The following CHODL variants were observed in gnomAD, a reference collection of about 807,000 sequenced individuals.
The protein encoded by CHODL is chondrolectin.
Under a neutral mutation model 34.5 loss-of-function variants are expected in CHODL, and 29 were observed. That is an observed-to-expected ratio of 0.84 (90% CI 0.63 to 1.15). The LOEUF is 1.15. Ranked by LOEUF, CHODL falls within the 50% of genes most tolerant of loss-of-function variation. The pLI, the probability that CHODL is intolerant of heterozygous loss-of-function variation, is 0.00. For missense variants in CHODL, 332 were observed against 332.5 expected (o/e 1.00, Z 0.01); for synonymous variants, 125 against 116.1 (o/e 1.08, Z -0.49).
intron 2 of CHODL, among the ~76,000 whole-genome samples, chr21:18,229,104 A>C (rs2073956289): frequency 6.6e-6 from 1 of 152,212 alleles, no homozygotes; most frequent in Non-Finnish European, 1.5e-5. Flanking sequence ...CAATAGCAAA[A>C]GTATGCCTTT....
intron 2 of CHODL, among the ~76,000 whole-genome samples, chr21:18,097,344 T>C (rs968003267): frequency 6.6e-6 from 1 of 152,092 alleles, no homozygotes; most frequent in African/African-American, 2.4e-5. Context: ...ACAAGAAAAC[T>C]ATTAAAACTG....
chr21:18,132,380 T>C (rs1377030967), intron 2 of CHODL, among the ~76,000 whole-genome samples: 1 of 152,178 alleles, frequency 6.6e-6, no homozygotes, highest in Non-Finnish European at 1.5e-5. Context: ...CATCTAGATA[T>C]GGGAAAACAT....
intron 2 of CHODL, among the ~76,000 whole-genome samples, chr21:18,165,755 A>ACCCTG (rs2062913496): frequency 1.3e-5 from 2 of 152,210 alleles, no homozygotes; most frequent in Non-Finnish European, 2.9e-5. Flanking sequence ...GTGGCAGGGT[A>ACCCTG]AATAATCTCC....
intron 1 of CHODL, among the ~76,000 whole-genome samples, chr21:17,995,076 G>A (rs1280627583): frequency 2.0e-5 from 3 of 152,090 alleles, no homozygotes; most frequent in East Asian, 1.9e-4. Context: ...TCCAGACAGC[G>A]TCATGATGCT....
At chr21:18,042,518 T>G (rs2064388806) in intron 2 of CHODL, among the ~76,000 whole-genome samples, 1 of 152,012 alleles carries the variant, frequency 6.6e-6, no homozygotes, top group Non-Finnish European at 1.5e-5. Context: ...ACAGAGGAGT[T>G]ATAAAACTTG....
chr21:18,106,574 C>A (rs1169830070), intron 2 of CHODL, among the ~76,000 whole-genome samples: 1 of 150,068 alleles, frequency 6.7e-6, no homozygotes, highest in African/African-American at 2.5e-5. Context: ...TGGCTCACTG[C>A]AAGCTCCGCC....
chr21:18,078,417 G>C (rs1373944445), intron 2 of CHODL, among the ~76,000 whole-genome samples: 1 of 152,026 alleles, frequency 6.6e-6, no homozygotes, highest in African/African-American at 2.4e-5. Flanking sequence ...CTCTCACCAG[G>C]TCCCTCCCAC....
intron 2 of CHODL, among the ~76,000 whole-genome samples, chr21:18,234,506 G>A (rs1243461188): frequency 1.3e-5 from 2 of 152,012 alleles, no homozygotes; most frequent in Non-Finnish European, 2.9e-5. Flanking sequence ...GTATGTTAAG[G>A]TCTCTTATGG....
rs199894126 is a variant in CHODL at position 18,193,712 on chromosome 21, AAAAT to A, written c.-44-62765_-44-62762del. 3.7e-3 allele frequency among the ~76,000 whole-genome samples: 511 copies of A among 139,336 alleles called. 2 individuals are homozygous for A. Among genetic ancestry groups the A allele is most frequent in the Middle Eastern group, 0.018 (5 of 280 alleles). The allele number at this position is 139,336 out of a possible 152,430, so 91.4% of individuals were successfully genotyped here. On this transcript the variant is annotated intron_variant, in intron 2 of 6. Coordinates refer to the CHODL transcript ENST00000400127. Reference sequence around the variant, plus strand: ...CTCTGTCTCAGAAAAAAAAAAAAATAAAATAAATAAATAAATAAATAAATAAATA... The same window carrying A: ...CTCTGTCTCAGAAAAAAAAAAAAATAAAATAAATAAATAAATAAATAAATA...
At chr21:18,233,867 C>T in intron 2 of CHODL, among the ~76,000 whole-genome samples, 1 of 152,134 alleles carries the variant, frequency 6.6e-6, no homozygotes, top group East Asian at 1.9e-4. Context: ...AAAGTTTAAG[C>T]CAATAAAATA....
intron 2 of CHODL, among the ~76,000 whole-genome samples, chr21:18,222,628 C>A (rs1355037591): frequency 6.6e-6 from 1 of 152,092 alleles, no homozygotes; most frequent in African/African-American, 2.4e-5. Context: ...GGGAGTCTCT[C>A]CTGGCTTCGA....
At chr21:17,925,387 C>A (rs1453825295) in intron 1 of CHODL, among the ~76,000 whole-genome samples, 1 of 152,106 alleles carries the variant, frequency 6.6e-6, no homozygotes, top group Non-Finnish European at 1.5e-5. Flanking sequence ...TGCACCTGGG[C>A]CAGTTTCCTG....
chr21:17,966,355 G>A (rs776824783), intron 1 of CHODL, among the ~76,000 whole-genome samples: 1 of 152,190 alleles, frequency 6.6e-6, no homozygotes, highest in Non-Finnish European at 1.5e-5. Flanking sequence ...TTGGGCGGCA[G>A]TAGGTATTAC....
chr21:18,249,106 A>AT (rs2074203005), intron 1 of CHODL, among the ~76,000 whole-genome samples: 2 of 127,368 alleles, frequency 1.6e-5, no homozygotes, highest in African/African-American at 6.4e-5. Context: ...TATATATAAT[A>AT]ATATATATAT....
intron 2 of CHODL, among the ~76,000 whole-genome samples, chr21:18,202,452 C>T (rs2073665182): frequency 6.6e-6 from 1 of 152,168 alleles, no homozygotes; most frequent in Non-Finnish European, 1.5e-5. Context: ...CCCTTCTCCA[C>T]CCTTGGCACA....
At position 18,229,819 on chromosome 21, in the gene CHODL, A is replaced by T. The variant is rs745392444; in HGVS notation, c.-44-26690A>T. Among the ~76,000 whole-genome samples, 37 of 152,158 alleles carry T rather than the reference A, an allele frequency of 2.4e-4. 1 individual carries two copies. Among genetic ancestry groups the T allele is most frequent in the Admixed American group, 2.3e-3 (35 of 15,266 alleles). On this transcript the variant is annotated intron_variant, in intron 2 of 6. Transcript: ENST00000400127. ...TCAGACTTAAGTCTTAAATCTTGTG[A>T]TAATCGCTACATCATGTTTTCTCTT...
intron 1 of CHODL, among the ~76,000 whole-genome samples, chr21:17,951,107 C>CGTGTGTGTGTGTGT (rs3073722): frequency 1.1e-4 from 17 of 149,132 alleles, no homozygotes; most frequent in African/African-American, 3.7e-4. Context: ...TTACTCTATA[C>CGTGTGTGTGTGTGT]GTGTGTGTGT....
At chr21:18,070,027 C>A (rs542881396) in intron 2 of CHODL, among the ~76,000 whole-genome samples, 1 of 68,636 alleles carries the variant, frequency 1.5e-5, no homozygotes, top group African/African-American at 5.2e-5. Context: ...CCCTTCCCTC[C>A]CCCCCCCCAC....
At chr21:18,232,963 A>ATATATATATATATATG (rs1555884654) in intron 2 of CHODL, among the ~76,000 whole-genome samples, 4 of 142,846 alleles carry the variant, frequency 2.8e-5, no homozygotes, top group African/African-American at 1.1e-4. Context: ...ATATATATAT[A>ATATATATATATATATG]TATATATATG....
Sources: gnomAD v4.1 joint callset for allele counts (sites outside exome capture counted in the v4.1 genomes callset) on GRCh38, gnomAD v4.1.1 for gene constraint, MANE v1.5 for transcripts, NCBI Gene and HGNC (gene_info 2026-07-23, HGNC 2026-07-21) for gene names.